DLGAP4: variants seen among roughly 807,000 people sequenced by gnomAD.
DLGAP4 encodes the protein disks large-associated protein 4.
In DLGAP4, 18 loss-of-function variants were observed where a neutral mutation model predicts 86.9. The ratio of observed to expected loss-of-function variants is 0.21; its 90% CI spans 0.14 to 0.31. The LOEUF is 0.31. DLGAP4 is among the 10% of genes least tolerant of loss of function. The pLI is 1.00. For missense variants in DLGAP4, 1,085 were observed against 1,362.6 expected, an observed-to-expected ratio of 0.80 and a Z score of 3.21; for synonymous variants, 548 against 574.3, an observed-to-expected ratio of 0.95 and a Z score of 0.65.
At chr20:36,361,850 A>G (rs1363062434) in intron 1 of DLGAP4, among the ~76,000 whole-genome samples, 1 of 151,846 alleles carries the variant, frequency 6.6e-6, no homozygotes, top group African/African-American at 2.4e-5. Context: ...GTGGTGGTGC[A>G]TGTCTGTAGT....
intron 7 of DLGAP4, among the ~76,000 whole-genome samples, chr20:36,485,491 G>C (rs1352769393): frequency 2.0e-5 from 3 of 152,124 alleles, no homozygotes; most frequent in African/African-American, 7.2e-5. Flanking sequence ...TTGATGCCCT[G>C]TGCACATTTG....
chr20:36,467,271 G>A (rs1016762543), intron 7 of DLGAP4, among the ~76,000 whole-genome samples: 2 of 152,238 alleles, frequency 1.3e-5, no homozygotes, highest in African/African-American at 4.8e-5. Context: ...GTGAGCATGA[G>A]CCAGAGGAAA....
At chr20:36,439,691 G>A in intron 4 of DLGAP4, 63 bp from the exon 5 acceptor site, 1 of 1,426,098 alleles carries the variant, frequency 7.0e-7, no homozygotes, top group Non-Finnish European at 9.7e-7. Context: ...GATGGTCAAG[G>A]CCTCCAAAAG....
chr20:36,350,693 A>AT lies in DLGAP4; in HGVS notation c.-303-16351dup, dbSNP rs797034535. 6.6e-5 allele frequency among the ~76,000 whole-genome samples: 10 copies of AT among 152,376 alleles called. No homozygotes were observed. The highest frequency in any genetic ancestry group is 2.4e-4 in the African/African-American group (10 of 41,596). The stretch of plus-strand genomic sequence containing the variant: ...CCCAGGCCTCTGCACACAGTAGGTG[A>AT]TCACAAAGTGCTTCTCACAGCAGAT... On this transcript the variant is annotated intron_variant, in intron 1 of 12. Coordinates refer to ENST00000339266, the MANE Select transcript of DLGAP4 (RefSeq NM_001365621.2). The surrounding 1 kb of genome is among the most constrained non-coding windows in gnomAD (Gnocchi z 4.4).
rs74346057 is a variant in DLGAP4, at chr20:36,432,210, G to A, written c.493G>A (p.Gly165Ser). Residue 165 changes from glycine (G) to serine (S), a missense_variant, in exon 3 of 13, where the codon GGT becomes AGT. Physicochemically the swap from Gly to Ser is moderately conservative, Grantham distance 56 (BLOSUM62 0). Coordinates refer to ENST00000339266, the MANE Select transcript of DLGAP4 (RefSeq NM_001365621.2). The surrounding 1 kb of genome is among the most constrained non-coding windows in gnomAD (Gnocchi z 6.5). Reference sequence around the variant, plus strand: ...ACTGGAGGGCACAGCGGGCAAGGTCGGTGGCAATGGCAGCAAGAAGGGTGG... The same window carrying A: ...ACTGGAGGGCACAGCGGGCAAGGTCAGTGGCAATGGCAGCAAGAAGGGTGG... ...PSLEGTAGKV[G>S]GNGSKKGGME... The A allele has an allele frequency of 1.3e-3, 2,099 of 1,614,120 alleles. 21 individuals are homozygous for A. In the African/African-American group the frequency reaches 0.023, roughly 18 times the overall value.
At position 36,461,701 on chromosome 20, in the gene DLGAP4, CCCT is replaced by C. The variant is rs1175791446; in HGVS notation, c.1648+14785_1648+14787del. ...CGGCCCTGCCCCGCCCCCGCCCTCGCCCTCCTCCTCCTCCTCCTCCTCCCCGTC... is the reference window on the plus strand; with the variant it reads ...CGGCCCTGCCCCGCCCCCGCCCTCGCCCTCCTCCTCCTCCTCCTCCCCGTC... On this transcript the variant is annotated intron_variant, in intron 7 of 12. Coordinates refer to ENST00000339266, the MANE Select transcript of DLGAP4 (RefSeq NM_001365621.2). 5.4e-3 allele frequency: 3,422 copies of C among 637,652 alleles called. 1 individual carries two copies. The highest frequency in any genetic ancestry group is 5.8e-3 in the Non-Finnish European group (3,079 of 529,452). The allele number at this position is 637,652 out of a possible 1,614,324, so 39.5% of individuals were successfully genotyped here. A position where few individuals can be genotyped will look rare whatever the true frequency, so the allele number is the denominator to read the frequency against.
intron 7 of DLGAP4, among the ~76,000 whole-genome samples, chr20:36,467,017 C>CCTCTCTCTCTCTCTCT (rs55778929): frequency 2.0e-4 from 10 of 50,356 alleles, no homozygotes; most frequent in South Asian, 1.6e-3. Flanking sequence ...CTCTCTCTCT[C>CCTCTCTCTCTCTCTCT]CTCTCTCTCT....
Position 36,446,720 on chromosome 20 carries a change from C to A in DLGAP4, c.1431C>A (p.Asp477Glu). 1 of 1,606,990 alleles carries A rather than the reference C, an allele frequency of 6.2e-7. No homozygotes were observed. Among genetic ancestry groups the A allele is most frequent in the African/African-American group, 1.3e-5 (1 of 74,914 alleles). ...EQQVREAELS[D>E]QYEAACESAC... Reference sequence around the variant, plus strand: ...AGGTACGGGAGGCAGAGCTGAGTGACCAGTATGAGGCGGCCTGCGAGTCAG... The same window carrying A: ...AGGTACGGGAGGCAGAGCTGAGTGAACAGTATGAGGCGGCCTGCGAGTCAG... The change falls in exon 7 of 13, where the codon GAC becomes GAA. Residue 477 changes from aspartate (D) to glutamate (E), a missense_variant. Physicochemically the swap from Asp to Glu is conservative, Grantham distance 45. Around this residue, in one of 2 missense-constraint regions of DLGAP4, gnomAD observed 1,082 missense variants for 1,344.1 expected, o/e 0.81. Coordinates refer to ENST00000339266, the MANE Select transcript of DLGAP4 (RefSeq NM_001365621.2).
chr20:36,365,592 T>C (rs1555894576), intron 1 of DLGAP4, among the ~76,000 whole-genome samples: 1 of 152,186 alleles, frequency 6.6e-6, no homozygotes, highest in African/African-American at 2.4e-5. Flanking sequence ...TGTGTGGTTG[T>C]CGAAGCTCTC....
intron 7 of DLGAP4, among the ~76,000 whole-genome samples, chr20:36,466,991 GTCTCTGTCTCTCTCTCTC>G (rs1569509524): frequency 2.1e-4 from 8 of 39,004 alleles, no homozygotes; most frequent in South Asian, 7.1e-4. Context: ...CTCTCTCTCT[GTCTCTGTCTCTCTCTCTC>G]TCTCTCTCCT....
chr20:36,461,713 T>A, intron 7 of DLGAP4: 1 of 718,954 alleles, frequency 1.4e-6, no homozygotes, highest in Non-Finnish European at 1.6e-6. Context: ...CTCCTCCTCC[T>A]CCTCCTCCTC....
chr20:36,392,621 G>A (rs549802711), intron 2 of DLGAP4, among the ~76,000 whole-genome samples: 1 of 152,314 alleles, frequency 6.6e-6, no homozygotes, highest in South Asian at 2.1e-4. Context: ...ACCCGCCTCA[G>A]CCTCCCAAAG....
At chr20:36,519,478 CAG>C (rs1192556514) in intron 10 of DLGAP4, among the ~76,000 whole-genome samples, 12 of 152,164 alleles carry the variant, frequency 7.9e-5, no homozygotes, top group Admixed American at 6.5e-4. Flanking sequence ...TCTTTTTAGT[CAG>C]AGTCTATTCA....
chr20:36,345,933 T>A (rs1461213603), intron 1 of DLGAP4, among the ~76,000 whole-genome samples: 4 of 152,142 alleles, frequency 2.6e-5, no homozygotes, highest in African/African-American at 9.7e-5. Flanking sequence ...AACTTTTTTA[T>A]TTTTGTAGAG....
intron 7 of DLGAP4, among the ~76,000 whole-genome samples, chr20:36,464,292 G>T (rs1022788046): frequency 4.6e-5 from 7 of 152,214 alleles, no homozygotes; most frequent in African/African-American, 1.7e-4. Flanking sequence ...GTGAGCAGCG[G>T]CTCACTCCTG....
chr20:36,490,777 A>T (rs1387572781), intron 7 of DLGAP4, among the ~76,000 whole-genome samples: 1 of 152,214 alleles, frequency 6.6e-6, no homozygotes, highest in African/African-American at 2.4e-5. Context: ...CTGGCCTCCA[A>T]GACACATGCA....
intron 7 of DLGAP4, among the ~76,000 whole-genome samples, chr20:36,455,225 C>T (rs1199195305): frequency 2.0e-5 from 3 of 151,886 alleles, no homozygotes; most frequent in African/African-American, 7.3e-5. Context: ...CTTTCTCCCC[C>T]CACCATCTTT....
intron 2 of DLGAP4, among the ~76,000 whole-genome samples, chr20:36,381,840 TG>T (rs2031404636): frequency 6.6e-6 from 1 of 152,120 alleles, no homozygotes; most frequent in African/African-American, 2.4e-5. Flanking sequence ...AGAGCTGGGA[TG>T]GGGGCTTCTC....
At chr20:36,344,482 G>T (rs782175399) in intron 1 of DLGAP4, among the ~76,000 whole-genome samples, 1 of 152,134 alleles carries the variant, frequency 6.6e-6, no homozygotes, top group Admixed American at 6.5e-5. Context: ...CTACAGACCC[G>T]TGAGGTCAGT....
Sources: allele counts gnomAD v4.1 joint callset (sites outside exome capture counted in the v4.1 genomes callset), GRCh38; gene constraint gnomAD v4.1.1; regional missense constraint gnomAD v4.1.1; non-coding constraint Gnocchi (gnomAD v3.1); transcripts MANE v1.5; gene names NCBI Gene and HGNC (gene_info 2026-07-23, HGNC 2026-07-21).